Variants in FSHR observed in about 807,000 individuals in gnomAD.
FSHR encodes follicle-stimulating hormone receptor.
A neutral mutation model predicts 52.1 loss-of-function variants in FSHR; 46 were observed. That is an observed-to-expected ratio of 0.88 (90% CI 0.70 to 1.13). FSHR has a LOEUF of 1.13. FSHR is among the 50% of genes most tolerant of loss of function. The pLI is 0.00. For missense variants in FSHR, 964 were observed against 834.6 expected, an observed-to-expected ratio of 1.16 and a Z score of -1.91; for synonymous variants, 399 against 309.6, an observed-to-expected ratio of 1.29 and a Z score of -3.03.
intron 1 of FSHR, among the ~76,000 whole-genome samples, chr2:49,138,455 T>C (rs1672561409): frequency 6.6e-6 from 1 of 152,144 alleles, no homozygotes; most frequent in Non-Finnish European, 1.5e-5. Flanking sequence ...ACAACCCAAA[T>C]GTCCATCAAC....
intron 1 of FSHR, among the ~76,000 whole-genome samples, chr2:49,080,666 T>C (rs570168488): frequency 6.6e-6 from 1 of 152,304 alleles, no homozygotes; most frequent in African/African-American, 2.4e-5. Context: ...TAGTATGTTG[T>C]TTTGTATTCA....
intron 1 of FSHR, among the ~76,000 whole-genome samples, chr2:49,127,854 T>TTCCTCTTCCTCTTCCTCTTCC (rs1672104620): frequency 3.0e-5 from 1 of 33,286 alleles, no homozygotes; most frequent in African/African-American, 2.7e-4. Flanking sequence ...CTTCTTCTTC[T>TTCCTCTTCCTCTTCCTCTTCC]TCTTCTTCTT....
chr2:48,993,043 T>A (rs2104111533), intron 4 of FSHR, among the ~76,000 whole-genome samples: 1 of 152,308 alleles, frequency 6.6e-6, no homozygotes, highest in Non-Finnish European at 1.5e-5. Flanking sequence ...ATTCTTTCGT[T>A]TCTGCTCCTT....
intron 2 of FSHR, among the ~76,000 whole-genome samples, chr2:49,058,276 C>A (rs1225095231): frequency 2.6e-5 from 4 of 152,152 alleles, no homozygotes; most frequent in Non-Finnish European, 2.9e-5. Flanking sequence ...TGGCCAGGTG[C>A]AGTGGCTCAT....
At chr2:48,964,589 C>T (rs1270433469) in intron 9 of FSHR, among the ~76,000 whole-genome samples, 1 of 152,100 alleles carries the variant, frequency 6.6e-6, no homozygotes, top group Non-Finnish European at 1.5e-5. Context: ...CACAATAGGC[C>T]TCAGCATGTG....
chr2:49,060,338 A>G (rs1454785711), intron 2 of FSHR, among the ~76,000 whole-genome samples: 1 of 152,140 alleles, frequency 6.6e-6, no homozygotes. Context: ...TATTAGCAAA[A>G]GGAAAAAAAA....
intron 4 of FSHR, among the ~76,000 whole-genome samples, chr2:48,998,001 T>C (rs957003147): frequency 6.6e-6 from 1 of 152,120 alleles, no homozygotes; most frequent in Admixed American, 6.6e-5. Context: ...TTTTACCTTT[T>C]TACCTGTCTG....
In FSHR at chr2:48,988,995, C is replaced by A; in HGVS notation, c.506G>T (p.Ser169Ile). Residue 169 changes from serine (S) to isoleucine (I), a missense_variant, in exon 6 of 10, where the codon AGC (serine) becomes ATC (isoleucine). Ser to Ile is a moderately radical substitution (Grantham distance 142). Transcript: ENST00000406846. ...TIERNSFVGL[S>I]FESVILWLNK... ...TACTTACAGAATCACACTTTCAAAG[C>A]TCAGCCCCACGAAAGAATTTCTTTC... 6.2e-7 allele frequency: 1 copy of A among 1,613,922 alleles called. No homozygotes were observed. The highest frequency in any genetic ancestry group is 8.5e-7 in the Non-Finnish European group (1 of 1,179,876).
At chr2:49,008,765 C>T (rs1401821745) in intron 4 of FSHR, among the ~76,000 whole-genome samples, 2 of 144,956 alleles carry the variant, frequency 1.4e-5, no homozygotes, top group Non-Finnish European at 3.0e-5. Flanking sequence ...ATTTGCATTT[C>T]TCTGATGGCC....
intron 2 of FSHR, among the ~76,000 whole-genome samples, chr2:49,023,691 C>G (rs1355447012): frequency 1.3e-5 from 2 of 152,100 alleles, no homozygotes; most frequent in Non-Finnish European, 2.9e-5. Flanking sequence ...CTTGAATTGA[C>G]AAAACACCCA....
intron 2 of FSHR, among the ~76,000 whole-genome samples, chr2:49,031,188 G>A (rs1668088074): frequency 6.6e-6 from 1 of 152,136 alleles, no homozygotes; most frequent in Non-Finnish European, 1.5e-5. Flanking sequence ...GAGGGTACTG[G>A]CTCTGTGCGG....
At chr2:49,087,920 A>G (rs1301714033) in intron 1 of FSHR, among the ~76,000 whole-genome samples, 4 of 152,226 alleles carry the variant, frequency 2.6e-5, no homozygotes, top group Non-Finnish European at 5.9e-5. Flanking sequence ...TAACTATAGT[A>G]TAGAGTGTGT....
At chr2:49,102,761 AATAAT>A (rs1671081272) in intron 1 of FSHR, among the ~76,000 whole-genome samples, 1 of 152,184 alleles carries the variant, frequency 6.6e-6, no homozygotes, top group Non-Finnish European at 1.5e-5. Flanking sequence ...TTGTATCCGA[AATAAT>A]AAAATATTAT....
At chr2:49,113,446 A>G (rs934966503) in intron 1 of FSHR, among the ~76,000 whole-genome samples, 1 of 152,262 alleles carries the variant, frequency 6.6e-6, no homozygotes, top group South Asian at 2.1e-4. Flanking sequence ...TAATCCAGCC[A>G]CATACTCACC....
Position 48,990,595 on chromosome 2 carries a change from G to T in FSHR, c.417C>A (p.His139Gln). Reference protein sequence around the residue: ...NTGIKHLPDVHKIHSLQKVLL... With the variant: ...NTGIKHLPDVQKIHSLQKVLL... ...AAACTTTTTGGAGAGAATGAATCTT[G>T]TGAACATCTGGAAGGTGCTTAATAC... is the stretch of plus-strand genomic sequence containing the variant. The change falls in exon 5 of 10, where the codon CAC (histidine) becomes CAA (glutamine). Residue 139 changes from histidine to glutamine, a missense_variant. Coordinates refer to ENST00000406846, the MANE Select transcript of FSHR (RefSeq NM_000145.4). 2.5e-6 allele frequency: 4 copies of T among 1,611,902 alleles called. No individual in the cohort carries two copies. The highest frequency in any genetic ancestry group is 3.4e-6 in the Non-Finnish European group (4 of 1,178,060).
intron 1 of FSHR, among the ~76,000 whole-genome samples, chr2:49,108,884 C>T (rs1291261567): frequency 2.0e-5 from 3 of 152,096 alleles, no homozygotes; most frequent in Non-Finnish European, 4.4e-5. Flanking sequence ...TATTCATTCT[C>T]TAAAATATAT....
intron 1 of FSHR, among the ~76,000 whole-genome samples, chr2:49,083,204 G>A (rs1216982311): frequency 6.6e-6 from 1 of 151,070 alleles, no homozygotes; most frequent in African/African-American, 2.4e-5. Context: ...CATTCTTAAA[G>A]AAAAGAATTT....
At chr2:49,023,621 T>A (rs891699903) in intron 2 of FSHR, among the ~76,000 whole-genome samples, 1 of 152,184 alleles carries the variant, frequency 6.6e-6, no homozygotes, top group Non-Finnish European at 1.5e-5. Context: ...GATACCTTTA[T>A]CCGTGCCTCT....
At chr2:49,013,857 G>C (rs1184376352) in intron 4 of FSHR, among the ~76,000 whole-genome samples, 1 of 152,032 alleles carries the variant, frequency 6.6e-6, no homozygotes, top group Non-Finnish European at 1.5e-5. Context: ...AAGGTGATTA[G>C]AGTTAGATAA....
Sources: allele counts gnomAD v4.1 joint callset (sites outside exome capture counted in the v4.1 genomes callset), GRCh38; gene constraint gnomAD v4.1.1; transcripts MANE v1.5; gene names NCBI Gene and HGNC (gene_info 2026-07-23, HGNC 2026-07-21).